LRMDA: variants seen among roughly 807,000 people sequenced by gnomAD.
LRMDA encodes the protein leucine rich melanocyte differentiation associated, also known as leucine-rich melanocyte differentiation-associated protein.
Under a neutral mutation model 29.8 loss-of-function variants are expected in LRMDA, and 18 were observed. The ratio of observed to expected loss-of-function variants is 0.60; its 90% CI spans 0.42 to 0.90. The LOEUF (loss-of-function observed/expected upper bound fraction) is 0.90, where lower values mean the gene tolerates loss of function less well. LRMDA is among the 40% of genes least tolerant of loss of function. LRMDA has a pLI of 0.00. For synonymous variants in LRMDA, 125 were observed against 109.4 expected, an observed-to-expected ratio of 1.14 and a Z score of -0.89; for missense variants, 273 against 273.9, an observed-to-expected ratio of 1.00 and a Z score of 0.02.
chr10:75,931,927 A>C (rs1215366647), intron 2 of LRMDA, among the ~76,000 whole-genome samples: 6 of 152,154 alleles, frequency 3.9e-5, no homozygotes, highest in African/African-American at 1.4e-4. Flanking sequence ...CACCATGTCA[A>C]AGCTATGTTA....
At chr10:75,850,292 T>C (rs1252401755) in intron 2 of LRMDA, among the ~76,000 whole-genome samples, 4 of 152,216 alleles carry the variant, frequency 2.6e-5, no homozygotes, top group Non-Finnish European at 5.9e-5. Flanking sequence ...TATTTGAGAT[T>C]TTTAAAAAGT....
intron 5 of LRMDA, among the ~76,000 whole-genome samples, chr10:76,195,447 T>C (rs1250898532): frequency 6.6e-6 from 1 of 152,134 alleles, no homozygotes; most frequent in Non-Finnish European, 1.5e-5. Context: ...GATTGCCCCA[T>C]ACATCTTTAA....
chr10:76,467,684 T>G (rs1439147911), intron 6 of LRMDA, among the ~76,000 whole-genome samples: 2 of 152,152 alleles, frequency 1.3e-5, no homozygotes, highest in Non-Finnish European at 2.9e-5. Flanking sequence ...ACAATTTTAT[T>G]TTTCTCCTGG....
chr10:76,309,548 A>G (rs1016395451), intron 5 of LRMDA, among the ~76,000 whole-genome samples: 5 of 152,198 alleles, frequency 3.3e-5, no homozygotes, highest in African/African-American at 1.2e-4. Context: ...AGGATATTAA[A>G]ATAGGGCAAA....
chr10:76,464,460 C>T (rs1842544581), intron 6 of LRMDA, among the ~76,000 whole-genome samples: 1 of 152,170 alleles, frequency 6.6e-6, no homozygotes, highest in Non-Finnish European at 1.5e-5. Flanking sequence ...GACAATTTCT[C>T]AGACATGAGA....
chr10:75,802,849 T>G (rs1464074969), intron 2 of LRMDA, among the ~76,000 whole-genome samples: 1 of 152,004 alleles, frequency 6.6e-6, no homozygotes, highest in Non-Finnish European at 1.5e-5. Flanking sequence ...AAATCAGAAG[T>G]AGAAACTTGC....
At chr10:75,762,778 T>C (rs1462055865) in intron 2 of LRMDA, among the ~76,000 whole-genome samples, 1 of 152,208 alleles carries the variant, frequency 6.6e-6, no homozygotes, top group Non-Finnish European at 1.5e-5. Context: ...CGATAGATGT[T>C]AGTTATTATT....
At chr10:76,237,404 C>T (rs1198234870) in intron 5 of LRMDA, among the ~76,000 whole-genome samples, 4 of 152,076 alleles carry the variant, frequency 2.6e-5, no homozygotes, top group African/African-American at 9.7e-5. Flanking sequence ...AGATGAGGAA[C>T]TGAGGCCCAG....
At chr10:75,867,383 G>A (rs1205346211) in intron 2 of LRMDA, among the ~76,000 whole-genome samples, 5 of 152,040 alleles carry the variant, frequency 3.3e-5, no homozygotes, top group Admixed American at 6.6e-5. Context: ...GGGTGGTCGC[G>A]ATCTCTTGAC....
intron 6 of LRMDA, among the ~76,000 whole-genome samples, chr10:76,543,474 AT>A (rs1263772459): frequency 6.6e-6 from 1 of 151,814 alleles, no homozygotes; most frequent in East Asian, 1.9e-4. Context: ...AGCCATCATC[AT>A]TTTTTCTGAG....
At chr10:75,684,624 C>T (rs1842061829) in intron 2 of LRMDA, among the ~76,000 whole-genome samples, 1 of 152,224 alleles carries the variant, frequency 6.6e-6, no homozygotes, top group African/African-American at 2.4e-5. Flanking sequence ...CTGCCATCAA[C>T]TTGACTTCAG....
intron 5 of LRMDA, among the ~76,000 whole-genome samples, chr10:76,096,754 T>C (rs1849317720): frequency 6.6e-6 from 1 of 152,144 alleles, no homozygotes; most frequent in Non-Finnish European, 1.5e-5. Context: ...TCTATTAATT[T>C]AGATCTTTTT....
chr10:76,005,047 G>A (rs1267416046), intron 2 of LRMDA, among the ~76,000 whole-genome samples: 1 of 152,052 alleles, frequency 6.6e-6, no homozygotes, highest in East Asian at 1.9e-4. Context: ...TACTTTATTA[G>A]TGTCTATCAA....
chr10:75,677,301 A>C (rs1174876448), intron 2 of LRMDA, among the ~76,000 whole-genome samples: 1 of 152,196 alleles, frequency 6.6e-6, no homozygotes, highest in African/African-American at 2.4e-5. Flanking sequence ...TGGCTGTCAG[A>C]ATTCCCATCT....
intron 5 of LRMDA, among the ~76,000 whole-genome samples, chr10:76,095,441 T>A (rs752205197): frequency 6.6e-6 from 1 of 152,260 alleles, no homozygotes; most frequent in Admixed American, 6.5e-5. Context: ...AACATTTGCA[T>A]AGAATTTTTG....
intron 2 of LRMDA, among the ~76,000 whole-genome samples, chr10:75,745,945 C>T (rs1489838100): frequency 6.6e-6 from 1 of 152,140 alleles, no homozygotes; most frequent in African/African-American, 2.4e-5. Context: ...GGAAAAGTAC[C>T]ACACAGGTAT....
intron 2 of LRMDA, among the ~76,000 whole-genome samples, chr10:75,783,910 G>T (rs1843427296): frequency 2.0e-5 from 3 of 152,162 alleles, no homozygotes; most frequent in African/African-American, 7.2e-5. Flanking sequence ...CCTGGTTTGG[G>T]TCATTCTGTA....
intron 2 of LRMDA, among the ~76,000 whole-genome samples, chr10:75,997,100 A>C (rs1326262078): frequency 6.6e-6 from 1 of 152,162 alleles, no homozygotes; most frequent in Non-Finnish European, 1.5e-5. Flanking sequence ...AAATTTTGGA[A>C]AATACTGAGA....
At chr10:75,635,651 T>TG (rs1841382452) in intron 2 of LRMDA, among the ~76,000 whole-genome samples, 1 of 152,136 alleles carries the variant, frequency 6.6e-6, no homozygotes, top group Admixed American at 6.5e-5. Flanking sequence ...TGAAAAAAGA[T>TG]GCATTTGATT....
Sources: allele counts gnomAD v4.1 joint callset (sites outside exome capture counted in the v4.1 genomes callset), GRCh38; gene constraint gnomAD v4.1.1; transcripts MANE v1.5; gene names NCBI Gene and HGNC (gene_info 2026-07-23, HGNC 2026-07-21).